RBM41: variants seen among roughly 807,000 people sequenced by gnomAD.
RBM41 encodes the protein RNA-binding protein 41.
RBM41 carries 14 observed loss-of-function variants against 30.8 expected under a neutral mutation model. The observed-to-expected ratio is 0.45, with a 90% CI of 0.30 to 0.71. The LOEUF (loss-of-function observed/expected upper bound fraction) is 0.71. Among genes scored for constraint, RBM41 ranks in the 30% least tolerant of loss-of-function variants. The pLI is 0.08. For synonymous variants in RBM41, 120 were observed against 110.1 expected, an observed-to-expected ratio of 1.09 and a Z score of -0.56; for missense variants, 276 against 326.3, an observed-to-expected ratio of 0.85 and a Z score of 1.19.
At chrX:107,087,045 T>A (rs908987412) in intron 6 of RBM41, among the ~76,000 whole-genome samples, 25 of 111,667 alleles carry the variant, frequency 2.2e-4, no homozygotes, top group African/African-American at 8.1e-4. Flanking sequence ...GCACAGGAAT[T>A]ATAAATAGCA....
intron 5 of RBM41, chrX:107,112,780 C>G: frequency 3.3e-6 from 1 of 306,150 alleles, no homozygotes; most frequent in Non-Finnish European, 6.3e-6. Flanking sequence ...GCCAGTCTCA[C>G]AAGGTTACAT....
chrX:107,067,566 T>C lies in RBM41; in HGVS notation c.1275A>G (p.Ser425=). ...TTTCTGTAGTGCTACCTGTAGCACA[T>C]GATATGAGAGAAGTCGCTTGGAGAT... ...RSNLQATSLI[S]CATGSTTEIS... is the part of the protein sequence containing the mutation. The change falls in exon 8 of 8, where the codon TCA becomes TCG. Residue 425 remains serine (S), a synonymous_variant. Coordinates refer to ENST00000685964, the MANE Select transcript of RBM41 (RefSeq NM_001324242.2). 1 of 1,210,563 alleles carries C rather than the reference T, an allele frequency of 8.3e-7. No individual in the cohort carries two copies. The highest frequency in any genetic ancestry group is 2.3e-4 in the Middle Eastern group (1 of 4,346).
At chrX:107,070,535 T>C (rs1165421275) in intron 6 of RBM41, 3 of 233,211 alleles carry the variant, frequency 1.3e-5, no homozygotes, top group East Asian at 2.3e-4. Context: ...GCCATTTGTG[T>C]GCTCAGAGAT....
rs1170184214 is a variant in RBM41, at chrX:107,063,265, A to G, written c.*4262T>C. Reference sequence around the variant, plus strand: ...CCACTAATCCACTTTCTATCTCTATATATTTGCCAATTCTGGACACTTCAT... The same window carrying G: ...CCACTAATCCACTTTCTATCTCTATGTATTTGCCAATTCTGGACACTTCAT... On this transcript the variant is annotated 3_prime_UTR_variant, in exon 8 of 8. Coordinates refer to ENST00000685964, the MANE Select transcript of RBM41 (RefSeq NM_001324242.2). 1.8e-5 allele frequency among the ~76,000 whole-genome samples: 2 copies of G among 110,722 alleles called. No individual in the cohort carries two copies. The highest frequency in any genetic ancestry group is 6.6e-5 in the African/African-American group (2 of 30,456).
chrX:107,112,759 G>A (rs1924593719), intron 5 of RBM41: 2 of 290,597 alleles, frequency 6.9e-6, no homozygotes, highest in South Asian at 6.8e-5. Context: ...GCATTATGCT[G>A]AGTGAAAGAA....
the RBM41 span, among the ~76,000 whole-genome samples, chrX:107,055,491 A>AT: frequency 9.0e-6 from 1 of 110,754 alleles, no homozygotes; most frequent in African/African-American, 3.3e-5. Context: ...CGCCCAGCTA[A>AT]TTTTTTGTAT....
At chrX:107,106,938 G>A (rs1479854357) in intron 5 of RBM41, among the ~76,000 whole-genome samples, 1 of 109,996 alleles carries the variant, frequency 9.1e-6, no homozygotes, top group Non-Finnish European at 1.9e-5. Flanking sequence ...GTTAATGGGT[G>A]CAGTACACCA....
At chrX:107,106,869 T>C (rs1478055483) in intron 5 of RBM41, among the ~76,000 whole-genome samples, 1 of 55,956 alleles carries the variant, frequency 1.8e-5, no homozygotes, top group East Asian at 5.8e-4. Flanking sequence ...GGGCCTGTTG[T>C]GGGGTGGGGG....
chrX:107,091,720 A>G (rs1244686755), intron 5 of RBM41, among the ~76,000 whole-genome samples: 5 of 112,156 alleles, frequency 4.5e-5, no homozygotes, highest in Non-Finnish European at 9.4e-5. Context: ...ACACATATAC[A>G]TAATTCATTA....
At chrX:107,077,607 CACAGAT>C (rs1272871906) in intron 6 of RBM41, among the ~76,000 whole-genome samples, 4 of 109,090 alleles carry the variant, frequency 3.7e-5, no homozygotes, top group Non-Finnish European at 7.6e-5. Context: ...CACACACACA[CACAGAT>C]AAAGCTAGGT....
intron 5 of RBM41, among the ~76,000 whole-genome samples, chrX:107,089,098 T>A (rs1243323858): frequency 8.9e-6 from 1 of 111,739 alleles, no homozygotes; most frequent in Non-Finnish European, 1.9e-5. Context: ...ATAAGGACAT[T>A]TAAAAACATA....
chrX:107,052,264 C>T, the RBM41 span, among the ~76,000 whole-genome samples: 18 of 111,258 alleles, frequency 1.6e-4, no homozygotes, highest in East Asian at 1.7e-3. Context: ...TGCTCTCAGG[C>T]GATAGATGAC....
At chrX:107,083,895 G>A (rs1432340283) in intron 6 of RBM41, among the ~76,000 whole-genome samples, 1 of 104,872 alleles carries the variant, frequency 9.5e-6, no homozygotes, top group African/African-American at 3.4e-5. Flanking sequence ...TCTCACGCTT[G>A]TTTTGCCTCT....
Position 107,118,816 on chromosome X carries a change from G to A in RBM41, c.-43C>T, listed in dbSNP as rs759972268. ...CCTCCAACTTGGGTAAATAGGCCGC[G>A]GACCTCAAGTCCCAGAACTCCGCGC... On this transcript the variant is annotated 5_prime_UTR_variant, in exon 1 of 8. Coordinates refer to ENST00000685964, the MANE Select transcript of RBM41 (RefSeq NM_001324242.2). The A allele has an allele frequency of 1.3e-5, 16 of 1,200,982 alleles. No individual in the cohort carries two copies. The Admixed American group carries it at 2.6e-4, about 20-fold the overall frequency.
At chrX:107,053,302 T>C in the RBM41 span, among the ~76,000 whole-genome samples, 6,399 of 60,154 alleles carry the variant, frequency 0.11, no homozygotes, top group African/African-American at 0.18. Context: ...ATTCAAACAA[T>C]GATAGGCTGA....
intron 5 of RBM41, among the ~76,000 whole-genome samples, chrX:107,109,026 T>A (rs1924239159): frequency 9.0e-6 from 1 of 111,568 alleles, no homozygotes; most frequent in African/African-American, 3.3e-5. Flanking sequence ...TTGGTTTTAA[T>A]ACAAATTAAT....
Position 107,067,457 on chromosome X carries a change from T to A in RBM41, c.*70A>T. 1 of 1,124,796 alleles carries A rather than the reference T, an allele frequency of 8.9e-7. No homozygotes were observed. The highest frequency in any genetic ancestry group is 1.2e-6 in the Non-Finnish European group (1 of 853,182). The allele number at this position is 1,124,796 out of a possible 1,213,427, so 92.7% of individuals were successfully genotyped here. A position where few individuals can be genotyped will look rare whatever the true frequency, so the allele number is the denominator to read the frequency against. The stretch of plus-strand genomic sequence containing the variant: ...CTTCAACTCCAAACAAACTGGTGTC[T>A]ATACATAAATCCTAGATCCAAGATT... On this transcript the variant is annotated 3_prime_UTR_variant, in exon 8 of 8. Coordinates refer to ENST00000685964, the MANE Select transcript of RBM41 (RefSeq NM_001324242.2).
intron 6 of RBM41, among the ~76,000 whole-genome samples, chrX:107,072,598 C>A (rs1285022034): frequency 9.1e-6 from 1 of 110,122 alleles, no homozygotes; most frequent in African/African-American, 3.3e-5. Flanking sequence ...TAATGCAATC[C>A]CTATCAAAAT....
chrX:107,068,454 G>A (rs750751746), intron 7 of RBM41, among the ~76,000 whole-genome samples: 2 of 111,351 alleles, frequency 1.8e-5, no homozygotes, highest in East Asian at 5.6e-4. Context: ...CTAATACATC[G>A]TATTATGTGG....
Sources: allele counts gnomAD v4.1 joint callset (sites outside exome capture counted in the v4.1 genomes callset), GRCh38; gene constraint gnomAD v4.1.1; transcripts MANE v1.5; gene names NCBI Gene and HGNC (gene_info 2026-07-23, HGNC 2026-07-21).